The following SERPINA12 variants were observed in gnomAD, a reference collection of about 807,000 sequenced individuals.
SERPINA12 encodes the protein serpin family A member 12, also known as serpin A12.
A neutral mutation model predicts 25.9 loss-of-function variants in SERPINA12; 21 were observed. That is an observed-to-expected ratio of 0.81 (90% CI 0.58 to 1.17). The LOEUF is 1.17. SERPINA12 is among the 50% of genes most tolerant of loss of function. SERPINA12 has a pLI of 0.00. For synonymous variants in SERPINA12, 220 were observed against 196.0 expected (o/e 1.12, Z -1.02); for missense variants, 562 against 508.3 (o/e 1.11, Z -1.02).
At chr14:94,489,883 C>T in intron 3 of SERPINA12, 116 bp from the exon 4 acceptor site, 1 of 1,032,300 alleles carries the variant, frequency 9.7e-7, no homozygotes, top group Non-Finnish European at 1.4e-6. Context: ...TCTCCAATCT[C>T]TCTCCATCCA....
At chr14:94,505,425 G>C (rs1014729403) in intron 1 of SERPINA12, among the ~76,000 whole-genome samples, 3 of 152,196 alleles carry the variant, frequency 2.0e-5, no homozygotes, top group Non-Finnish European at 4.4e-5. Context: ...AGGCAGCAAG[G>C]CCTGCCTGCT....
At chr14:94,511,643 C>T (rs1291253736), upstream of SERPINA12, 2 of 985,308 alleles carry the variant, frequency 2.0e-6, no homozygotes, top group South Asian at 9.4e-5. Context: ...TGGAAGGTGT[C>T]CCACCCACCT....
At chr14:94,500,912 C>T in intron 1 of SERPINA12, 1 of 984,704 alleles carries the variant, frequency 1.0e-6, no homozygotes, top group South Asian at 4.7e-5. Context: ...ACTAAGTAGG[C>T]AGGAGTTCTG....
chr14:94,510,015 C>A, upstream of SERPINA12: 1 of 985,440 alleles, frequency 1.0e-6, no homozygotes, highest in Non-Finnish European at 1.2e-6. Flanking sequence ...GAGCAGGCAG[C>A]CCATCCATCC....
chr14:94,509,892 C>T, upstream of SERPINA12: 3 of 798,422 alleles, frequency 3.8e-6, no homozygotes, highest in Non-Finnish European at 4.6e-6. Flanking sequence ...CCCCAGATTC[C>T]TTCCCTGGGA....
chr14:94,488,482 T>C (rs79843108), intron 4 of SERPINA12, among the ~76,000 whole-genome samples: 4,737 of 152,084 alleles, frequency 0.031, 99 homozygotes, highest in Non-Finnish European at 0.044. Flanking sequence ...AATGCCTTTT[T>C]AACCCCAAAG....
intron 1 of SERPINA12, chr14:94,516,182 T>C (rs1307476517): frequency 1.3e-5 from 2 of 152,308 alleles, no homozygotes; most frequent in African/African-American, 4.8e-5. Context: ...AGATAGAGGT[T>C]ACTGCAGGGA....
At chr14:94,494,185 A>G (rs1900298305) in intron 3 of SERPINA12, among the ~76,000 whole-genome samples, 2 of 152,018 alleles carry the variant, frequency 1.3e-5, no homozygotes, top group South Asian at 2.1e-4. Flanking sequence ...CATCCCTCCC[A>G]TTTCTTACCT....
chr14:94,512,677 G>C (rs1347241991), upstream of SERPINA12, among the ~76,000 whole-genome samples: 5 of 152,078 alleles, frequency 3.3e-5, no homozygotes, highest in Non-Finnish European at 7.4e-5. Flanking sequence ...TGAAACATGT[G>C]TTATCAAGAA....
chr14:94,509,996 G>A (rs1294826445), upstream of SERPINA12: 17 of 985,366 alleles, frequency 1.7e-5, no homozygotes, highest in South Asian at 5.6e-4. Flanking sequence ...CCTCCCAGGT[G>A]CAGCCTGGGA....
intron 3 of SERPINA12, among the ~76,000 whole-genome samples, chr14:94,492,539 G>A (rs1020123294): frequency 1.3e-5 from 2 of 152,190 alleles, no homozygotes; most frequent in African/African-American, 4.8e-5. Flanking sequence ...AAAGATAAGG[G>A]CATCTTTGTA....
intron 3 of SERPINA12, among the ~76,000 whole-genome samples, chr14:94,490,086 A>T (rs1900102768): frequency 6.6e-6 from 1 of 152,096 alleles, no homozygotes; most frequent in South Asian, 2.1e-4. Context: ...AGTCGCTGCC[A>T]TGCCTGAGCC....
intron 3 of SERPINA12, among the ~76,000 whole-genome samples, chr14:94,493,884 A>G (rs1461652267): frequency 1.3e-5 from 2 of 152,194 alleles, no homozygotes; most frequent in East Asian, 3.9e-4. Flanking sequence ...TGCCCAGGGA[A>G]CATCTGTGTG....
chr14:94,513,657 C>T (rs17090987), upstream of SERPINA12, among the ~76,000 whole-genome samples: 6 of 152,098 alleles, frequency 3.9e-5, no homozygotes, highest in East Asian at 1.9e-4. Flanking sequence ...TCTGTGACTT[C>T]GGAATTTTGC....
rs373526323 is a variant in SERPINA12, at chr14:94,489,740, G to A, written c.933C>T (p.Leu311=). Residue 311 remains leucine, a synonymous_variant, in exon 4 of 5, where the codon CTC becomes CTT. Transcript: ENST00000677451. ...RRVVDVSVPR[L]HMTGTFDLKK... ...TCAGGTCGAAGGTGCCCGTCATGTG[G>A]AGTCTGGGTACAGACACGTCTACGA... 9.9e-6 allele frequency: 16 copies of A among 1,614,062 alleles called. No individual in the cohort carries two copies. The Admixed American group carries it at 1.2e-4, about 12-fold the overall frequency.
chr14:94,492,512 C>A (rs781225502), intron 3 of SERPINA12, among the ~76,000 whole-genome samples: 2 of 152,026 alleles, frequency 1.3e-5, no homozygotes, highest in African/African-American at 2.4e-5. Flanking sequence ...TGGCCCCCTG[C>A]GAGGTTTCAT....
chr14:94,498,605 A>C (rs1334808640), intron 1 of SERPINA12, among the ~76,000 whole-genome samples, 175 bp from the exon 2 acceptor site: 1 of 152,198 alleles, frequency 6.6e-6, no homozygotes, highest in African/African-American at 2.4e-5. Flanking sequence ...ACTAGAAATG[A>C]CTTCTACACT....
At chr14:94,513,111 A>C (rs1360554977), upstream of SERPINA12, among the ~76,000 whole-genome samples, 1 of 152,230 alleles carries the variant, frequency 6.6e-6, no homozygotes, top group African/African-American at 2.4e-5. Context: ...GTTTCCCTTC[A>C]GTCATCCAGG....
At chr14:94,517,265 T>TG (rs1901259379) in intron 1 of SERPINA12, 1 of 152,312 alleles carries the variant, frequency 6.6e-6, no homozygotes, top group Admixed American at 6.5e-5. Context: ...ATGTGTGTTT[T>TG]GGGGGCTTTT....
Sources: allele counts gnomAD v4.1 joint callset (sites outside exome capture counted in the v4.1 genomes callset), GRCh38; gene constraint gnomAD v4.1.1; transcripts MANE v1.5; gene names NCBI Gene and HGNC (gene_info 2026-07-23, HGNC 2026-07-21).